Variants in VDAC1 observed in about 807,000 individuals in gnomAD.
The protein encoded by VDAC1 is non-selective voltage-gated ion channel VDAC1.
Under a neutral mutation model 34.7 loss-of-function variants are expected in VDAC1, and 10 were observed. The ratio of observed to expected loss-of-function variants is 0.29; its 90% CI spans 0.18 to 0.49. VDAC1 has a LOEUF of 0.49. VDAC1 is among the 20% of genes least tolerant of loss of function. VDAC1 has a pLI of 0.99. For missense variants in VDAC1, 230 were observed against 347.9 expected (o/e 0.66, Z 2.69); for synonymous variants, 130 against 136.0 (o/e 0.96, Z 0.30).
At chr5:134,047,134 A>AG in the VDAC1 span, among the ~76,000 whole-genome samples, 2 of 152,148 alleles carry the variant, frequency 1.3e-5, no homozygotes, top group Non-Finnish European at 2.9e-5. Context: ...GACCAGAGCC[A>AG]GGGGGGTCAC....
At chr5:134,111,523 C>G in the VDAC1 span, among the ~76,000 whole-genome samples, 1 of 151,996 alleles carries the variant, frequency 6.6e-6, no homozygotes, top group Non-Finnish European at 1.5e-5. Context: ...CAGGTGGCCT[C>G]GGGTGGGCTC....
the VDAC1 span, among the ~76,000 whole-genome samples, chr5:134,103,725 C>T: frequency 5.6e-4 from 86 of 152,364 alleles, no homozygotes; most frequent in Middle Eastern, 6.8e-3. Flanking sequence ...CATCCTCAAA[C>T]ATAAAACGAA....
At chr5:133,996,772 G>A (rs1255068872) in intron 1 of VDAC1, among the ~76,000 whole-genome samples, 1 of 152,196 alleles carries the variant, frequency 6.6e-6, no homozygotes, top group East Asian at 1.9e-4. Context: ...GAAAAAAGTA[G>A]AAACTTGGAA....
chr5:134,112,362 A>G, the VDAC1 span, among the ~76,000 whole-genome samples: 1 of 152,148 alleles, frequency 6.6e-6, no homozygotes, highest in Non-Finnish European at 1.5e-5. Context: ...TTCCCTCTCC[A>G]CAGCCCAAGC....
At chr5:133,987,670 C>T (rs1217165856) in intron 5 of VDAC1, among the ~76,000 whole-genome samples, 1 of 152,150 alleles carries the variant, frequency 6.6e-6, no homozygotes, top group Non-Finnish European at 1.5e-5. Flanking sequence ...CCAAGCGTAA[C>T]TGTTGCAGGC....
the VDAC1 span, among the ~76,000 whole-genome samples, chr5:134,048,763 C>T: frequency 6.6e-6 from 1 of 151,940 alleles, no homozygotes; most frequent in African/African-American, 2.4e-5. Flanking sequence ...CCTTATCCCC[C>T]GCCGGGCATT....
chr5:134,039,377 G>A, the VDAC1 span, among the ~76,000 whole-genome samples: 1 of 152,184 alleles, frequency 6.6e-6, no homozygotes. Flanking sequence ...CGCCCAGGCT[G>A]GAGTGCAGTG....
At chr5:134,063,566 C>T in the VDAC1 span, among the ~76,000 whole-genome samples, 1 of 152,188 alleles carries the variant, frequency 6.6e-6, no homozygotes, top group African/African-American at 2.4e-5. Context: ...TTGCTGCTTG[C>T]TGGGAATCCT....
the VDAC1 span, among the ~76,000 whole-genome samples, chr5:134,109,770 C>CAAAAAAAAAAAAAAAAAAA: frequency 1.4e-4 from 19 of 140,310 alleles, no homozygotes; most frequent in African/African-American, 4.4e-4. Flanking sequence ...GGCTCCATCT[C>CAAAAAAAAAAAAAAAAAAA]AAAAAAAAAA....
intron 5 of VDAC1, among the ~76,000 whole-genome samples, chr5:133,984,929 G>A (rs1252505282): frequency 6.6e-6 from 1 of 152,070 alleles, no homozygotes; most frequent in Non-Finnish European, 1.5e-5. Flanking sequence ...GAGTGAGACT[G>A]TCTCAAAAAA....
the VDAC1 span, among the ~76,000 whole-genome samples, chr5:134,088,250 C>T: frequency 6.6e-6 from 1 of 152,210 alleles, no homozygotes; most frequent in Non-Finnish European, 1.5e-5. Flanking sequence ...AGCAAGGGAA[C>T]CTGTCCCCAG....
intron 5 of VDAC1, among the ~76,000 whole-genome samples, chr5:133,983,698 A>C (rs1474702780): frequency 2.6e-5 from 4 of 152,168 alleles, no homozygotes; most frequent in Non-Finnish European, 5.9e-5. Context: ...AAACAAAATC[A>C]CCACTGATAC....
chr5:134,109,367 C>G, the VDAC1 span, among the ~76,000 whole-genome samples: 2 of 152,164 alleles, frequency 1.3e-5, no homozygotes, highest in African/African-American at 4.8e-5. Flanking sequence ...AGGTGACCCC[C>G]ACATGAACAC....
At chr5:134,034,770 TATGG>T in the VDAC1 span, among the ~76,000 whole-genome samples, 1 of 151,408 alleles carries the variant, frequency 6.6e-6, no homozygotes, top group African/African-American at 2.4e-5. Flanking sequence ...AGGTTTCCAC[TATGG>T]AGGAAAGGAG....
chr5:134,067,379 C>G, the VDAC1 span, among the ~76,000 whole-genome samples: 1 of 125,438 alleles, frequency 8.0e-6, no homozygotes, highest in Non-Finnish European at 1.6e-5. Context: ...CCAGTCAGAT[C>G]AAATGTTCTT....
chr5:133,977,618 T>A (rs1752529210), intron 6 of VDAC1, among the ~76,000 whole-genome samples: 1 of 152,236 alleles, frequency 6.6e-6, no homozygotes, highest in Non-Finnish European at 1.5e-5. Context: ...CACTTTGTCC[T>A]CTGTCGGGCT....
At chr5:134,077,282 A>G in the VDAC1 span, among the ~76,000 whole-genome samples, 1 of 148,178 alleles carries the variant, frequency 6.7e-6, no homozygotes, top group Non-Finnish European at 1.5e-5. Flanking sequence ...ATCTCAAAAA[A>G]AAAAAAAAAA....
the VDAC1 span, among the ~76,000 whole-genome samples, chr5:134,051,006 C>T: frequency 6.6e-6 from 1 of 152,182 alleles, no homozygotes; most frequent in Admixed American, 6.5e-5. Context: ...GTGTATTAGG[C>T]CTTATACAGT....
the VDAC1 span, among the ~76,000 whole-genome samples, chr5:134,086,097 G>A: frequency 6.6e-6 from 1 of 152,208 alleles, no homozygotes; most frequent in Admixed American, 6.5e-5. Context: ...TTGGGAGGCT[G>A]AGGCAGGAGA....
Sources: allele counts gnomAD v4.1 joint callset (sites outside exome capture counted in the v4.1 genomes callset), GRCh38; gene constraint gnomAD v4.1.1; transcripts MANE v1.5; gene names NCBI Gene and HGNC (gene_info 2026-07-23, HGNC 2026-07-21).